NFIA: variants seen among roughly 807,000 people sequenced by gnomAD.
The protein encoded by NFIA is nuclear factor I A.
A neutral mutation model predicts 62.8 loss-of-function variants in NFIA; 8 were observed. The observed-to-expected ratio is 0.13, with a 90% CI of 0.07 to 0.23. The LOEUF (loss-of-function observed/expected upper bound fraction) is 0.23, where lower values mean the gene tolerates loss of function less well. Ranked by LOEUF, NFIA falls within the 10% of genes least tolerant of loss-of-function variation. The probability of loss-of-function intolerance (pLI) is 1.00; values close to 1 mark genes in which losing one functional copy is unlikely to be tolerated. For synonymous variants in NFIA, 235 were observed against 238.1 expected (o/e 0.99, Z 0.12); for missense variants, 410 against 642.1 (o/e 0.64, Z 3.91).
At chr1:61,090,415 C>T (rs1419532165) in intron 2 of NFIA, among the ~76,000 whole-genome samples, 1 of 152,054 alleles carries the variant, frequency 6.6e-6, no homozygotes, top group African/African-American at 2.4e-5. Context: ...AAATGAAATA[C>T]CTGTGAAGTT....
chr1:61,401,616 C>T (rs757764218), intron 7 of NFIA, among the ~76,000 whole-genome samples: 3 of 152,180 alleles, frequency 2.0e-5, no homozygotes, highest in Non-Finnish European at 4.4e-5. Flanking sequence ...AATTACCCAT[C>T]ACTTTCCATT....
upstream of NFIA, chr1:61,077,607 G>T (rs1646047671): frequency 7.1e-7 from 1 of 1,407,606 alleles, no homozygotes; most frequent in Non-Finnish European, 9.4e-7. Flanking sequence ...AGTTTCTCAC[G>T]TACTCTTTTT....
intron 10 of NFIA, among the ~76,000 whole-genome samples, chr1:61,429,363 G>T (rs986961565): frequency 6.6e-6 from 1 of 152,144 alleles, no homozygotes; most frequent in Admixed American, 6.5e-5. Flanking sequence ...AATATAGTCA[G>T]GAGTGGAGCA....
intron 7 of NFIA, among the ~76,000 whole-genome samples, chr1:61,389,199 A>AT (rs1664846589): frequency 6.6e-6 from 1 of 152,142 alleles, no homozygotes; most frequent in Non-Finnish European, 1.5e-5. Context: ...CTTCTCCTAG[A>AT]CATGTTTCAG....
In NFIA at chr1:61,426,555, A is replaced by G; in HGVS notation, c.1511A>G (p.Gln504Arg). ...TTTGTAAATATCCCTCAACAGACACAGGTGGGCCGCTCTCATCTTTTCTGT... is the reference window on the plus strand; with the variant it reads ...TTTGTAAATATCCCTCAACAGACACGGGTGGGCCGCTCTCATCTTTTCTGT... ...PSFVNIPQQTQSWYLG is the reference protein window; with the variant it reads ...PSFVNIPQQTRSWYLG The change falls in exon 10 of 11, where the codon CAG becomes CGG. Residue 504 changes from glutamine (Q) to arginine (R), a missense_variant and splice_region_variant. Around this residue, in one of 3 missense-constraint regions of NFIA, gnomAD observed 298 missense variants for 438.1 expected, o/e 0.68. Transcript: ENST00000403491. 6.5e-7 allele frequency: 1 copy of G among 1,548,812 alleles called. No individual in the cohort carries two copies. Among genetic ancestry groups the G allele is most frequent in the Non-Finnish European group, 8.7e-7 (1 of 1,144,270 alleles).
In NFIA at chr1:61,206,504, G is replaced by C. The variant is rs562878844; in HGVS notation, c.560-71016G>C. Among the ~76,000 whole-genome samples the C allele has an allele frequency of 3.3e-5, 5 of 152,290 alleles. No individual in the cohort carries two copies. In the South Asian group the frequency reaches 1.0e-3, roughly 32 times the overall value. The stretch of plus-strand genomic sequence containing the variant: ...CCATGGGCTTTAGACTGAAACCAAT[G>C]ACTAGCATTTTATCTCTTTTGGATG... On this transcript the variant is annotated intron_variant, in intron 2 of 10. Transcript: ENST00000403491.
chr1:61,332,541 A>C lies in NFIA; in HGVS notation c.655A>C (p.Thr219Pro), dbSNP rs750817842. The part of the protein sequence containing the change: ...GHLGFQDSFV[T>P]SGVFSVTELV... ...TTTGGGCTTCCAGGACAGTTTTGTC[A>C]CATCAGGTGTTTTTAGTGTCACTGA... is the stretch of plus-strand genomic sequence containing the variant. Residue 219 changes from threonine to proline, a missense_variant, in exon 4 of 11, where the codon ACA (threonine) becomes CCA (proline). Around this residue, in one of 3 missense-constraint regions of NFIA, gnomAD observed 298 missense variants for 438.1 expected, o/e 0.68. Transcript: ENST00000403491. 7 of 1,613,948 alleles carry C rather than the reference A, an allele frequency of 4.3e-6. No homozygotes were observed. Among genetic ancestry groups the C allele is most frequent in the Non-Finnish European group, 5.1e-6 (6 of 1,179,958 alleles).
intron 3 of NFIA, among the ~76,000 whole-genome samples, chr1:61,325,182 A>G (rs1187371828): frequency 1.3e-5 from 2 of 152,198 alleles, no homozygotes; most frequent in African/African-American, 4.8e-5. Flanking sequence ...GGAGTGTTTA[A>G]TGTGCTTTCC....
chr1:61,454,472 G>C (rs761947721), intron 10 of NFIA, among the ~76,000 whole-genome samples: 6 of 152,180 alleles, frequency 3.9e-5, no homozygotes, highest in Non-Finnish European at 8.8e-5. Flanking sequence ...CACACAGAAG[G>C]CTCTAAATAA....
chr1:61,451,340 C>T (rs1043449821), intron 10 of NFIA, among the ~76,000 whole-genome samples: 3 of 152,166 alleles, frequency 2.0e-5, no homozygotes, highest in Non-Finnish European at 2.9e-5. Context: ...TAAGCACATT[C>T]AGTGTGGAGC....
chr1:61,134,198 C>T (rs545580135), intron 2 of NFIA, among the ~76,000 whole-genome samples: 22 of 151,266 alleles, frequency 1.5e-4, no homozygotes, highest in African/African-American at 5.1e-4. Flanking sequence ...CTGAGGGATA[C>T]AAAAATGCTT....
chr1:61,233,522 A>G (rs1166994276), intron 2 of NFIA, among the ~76,000 whole-genome samples: 2 of 152,242 alleles, frequency 1.3e-5, no homozygotes, highest in Admixed American at 6.5e-5. Flanking sequence ...TGGGGAAGTC[A>G]GAAGAGTCTC....
At position 61,404,290 on chromosome 1, in the gene NFIA, A is replaced by C; in HGVS notation, c.1254+8A>C. 6.3e-7 allele frequency: 1 copy of C among 1,592,426 alleles called. No homozygotes were observed. The highest frequency in any genetic ancestry group is 8.5e-7 in the Non-Finnish European group (1 of 1,171,580). ...CAGGTGGGGTTCCTCAATGTAAGGA[A>C]ACCTCTTTTTTTCCATTTCTTTAGA... is the stretch of plus-strand genomic sequence containing the variant. On this transcript the variant is annotated splice_region_variant and intron_variant, in intron 8 of 10. Transcript: ENST00000403491.
At chr1:61,165,035 C>T (rs928266785) in intron 2 of NFIA, among the ~76,000 whole-genome samples, 13 of 152,040 alleles carry the variant, frequency 8.6e-5, no homozygotes, top group Admixed American at 3.3e-4. Flanking sequence ...ATTATATATA[C>T]GATAGGTCAT....
intron 3 of NFIA, among the ~76,000 whole-genome samples, chr1:61,310,066 GAGATAATTTACAAAGTA>G (rs1460656646): frequency 6.6e-6 from 1 of 152,212 alleles, no homozygotes; most frequent in Non-Finnish European, 1.5e-5. Context: ...TACCATGGTA[GAGATAATTTACAAAGTA>G]AGACCCAGTT....
At chr1:61,358,379 C>CTTTCTTTCTTTTTT (rs71582639) in intron 5 of NFIA, among the ~76,000 whole-genome samples, 4 of 52,616 alleles carry the variant, frequency 7.6e-5, no homozygotes, top group Admixed American at 3.0e-4. Context: ...TTCTTTCTTT[C>CTTTCTTTCTTTTTT]TTTTTTTTTT....
At chr1:61,287,741 C>G (rs1038579727) in intron 3 of NFIA, among the ~76,000 whole-genome samples, 6 of 151,742 alleles carry the variant, frequency 4.0e-5, no homozygotes, top group Non-Finnish European at 8.8e-5. Flanking sequence ...GTGAAATATA[C>G]TTACACAAAC....
At chr1:61,314,834 C>T (rs980068777) in intron 3 of NFIA, among the ~76,000 whole-genome samples, 1 of 152,144 alleles carries the variant, frequency 6.6e-6, no homozygotes, top group Non-Finnish European at 1.5e-5. Flanking sequence ...CTGGATCTTC[C>T]TGGTGTGAAT....
chr1:61,348,766 C>T (rs1471887635), intron 4 of NFIA, among the ~76,000 whole-genome samples: 1 of 152,218 alleles, frequency 6.6e-6, no homozygotes, highest in East Asian at 1.9e-4. Flanking sequence ...TCCGTCTGAT[C>T]AAGTCCCTCA....
Sources: gnomAD v4.1 joint callset for allele counts (sites outside exome capture counted in the v4.1 genomes callset) on GRCh38, gnomAD v4.1.1 for gene constraint, gnomAD v4.1.1 regional missense constraint, MANE v1.5 for transcripts, NCBI Gene and HGNC (gene_info 2026-07-23, HGNC 2026-07-21) for gene names.